Variants in PRKG1 observed in about 807,000 individuals in gnomAD.
PRKG1 encodes the protein protein kinase cGMP-dependent 1, also known as cGMP-dependent protein kinase 1.
Under a neutral mutation model 88.1 loss-of-function variants are expected in PRKG1, and 35 were observed. The observed-to-expected ratio is 0.40, with a 90% CI of 0.30 to 0.53. The LOEUF is 0.53. PRKG1 is among the 20% of genes least tolerant of loss of function. The pLI, the probability that PRKG1 is intolerant of heterozygous loss-of-function variation, is 0.59. For missense variants in PRKG1, 540 were observed against 839.8 expected, an observed-to-expected ratio of 0.64 and a Z score of 4.41; for synonymous variants, 303 against 292.5, an observed-to-expected ratio of 1.04 and a Z score of -0.37.
intron 2 of PRKG1, among the ~76,000 whole-genome samples, chr10:51,208,884 T>C (rs956012090): frequency 1.3e-5 from 2 of 152,196 alleles, no homozygotes; most frequent in Admixed American, 1.3e-4. Flanking sequence ...AGGGATTGTG[T>C]CTTCATTTTG....
At chr10:51,718,868 C>G (rs1334565074) in intron 3 of PRKG1, among the ~76,000 whole-genome samples, 1 of 151,660 alleles carries the variant, frequency 6.6e-6, no homozygotes, top group East Asian at 1.9e-4. Flanking sequence ...ATTCCTAGGC[C>G]AGGTGTGGTG....
chr10:52,157,306 G>GAT lies in PRKG1; in HGVS notation c.1002-4552_1002-4551dup, dbSNP rs142784154. Reference sequence around the variant, plus strand: ...TATATATATTGTGTGTGAGTTAGTTGATATATATATATATATATATATATA... The same window carrying GAT: ...TATATATATTGTGTGTGAGTTAGTTGATATATATATATATATATATATATATA... On this transcript the variant is annotated intron_variant, in intron 8 of 17. Coordinates refer to ENST00000373980, the MANE Select transcript of PRKG1 (RefSeq NM_006258.4). Among the ~76,000 whole-genome samples, 134 of 125,904 alleles carry GAT rather than the reference G, an allele frequency of 1.1e-3. 1 individual carries two copies. In the South Asian group the frequency reaches 0.018, roughly 17 times the overall value. 82.6% of individuals were successfully genotyped at this position (125,904 alleles called of 152,430 possible).
chr10:51,671,139 CTTCTTAAGTAAGATCT>C lies in PRKG1; in HGVS notation c.593-133432_593-133417del, dbSNP rs561809334. ...ATCATGCTAAATTCTGCTTTATGAT[CTTCTTAAGTAAGATCT>C]TTCTTAAGTAAGAAAGTCAGGAACA... is the stretch of plus-strand genomic sequence containing the variant. On this transcript the variant is annotated intron_variant, in intron 3 of 17. Transcript: ENST00000373980. 2.2e-3 allele frequency among the ~76,000 whole-genome samples: 341 copies of C among 152,226 alleles called. 3 individuals are homozygous for C. Among genetic ancestry groups the C allele is most frequent in the Non-Finnish European group, 3.1e-3 (212 of 68,014 alleles).
intron 2 of PRKG1, among the ~76,000 whole-genome samples, chr10:51,452,578 T>C (rs576557131): frequency 1.2e-4 from 19 of 152,160 alleles, no homozygotes; most frequent in African/African-American, 4.3e-4. Flanking sequence ...ATTCTGCTTA[T>C]GTGATATAAT....
chr10:51,549,109 TC>T (rs1389415566), intron 3 of PRKG1, among the ~76,000 whole-genome samples: 7 of 122,012 alleles, frequency 5.7e-5, no homozygotes. Context: ...TTCCTTTCTT[TC>T]TTTTCTTTTC....
chr10:52,183,230 T>C (rs1228758332), intron 9 of PRKG1, among the ~76,000 whole-genome samples: 2 of 152,232 alleles, frequency 1.3e-5, no homozygotes, highest in Admixed American at 6.5e-5. Context: ...ATCCTGTACC[T>C]GCCTGGGGCA....
chr10:52,117,200 GTA>G (rs1554806201), intron 7 of PRKG1, among the ~76,000 whole-genome samples: 1 of 146,740 alleles, frequency 6.8e-6, no homozygotes, highest in African/African-American at 2.5e-5. Context: ...GTGTGTGTGT[GTA>G]TGATTGGTAG....
At chr10:51,858,623 G>T (rs1840782107) in intron 4 of PRKG1, among the ~76,000 whole-genome samples, 1 of 149,332 alleles carries the variant, frequency 6.7e-6, no homozygotes, top group South Asian at 2.1e-4. Flanking sequence ...GTACCATAGG[G>T]TCCTTTCACA....
rs75229829 is a variant in PRKG1 at position 51,931,859 on chromosome 10, T to C, written c.762+24289T>C. Among the ~76,000 whole-genome samples, 360 of 152,320 alleles carry C rather than the reference T, an allele frequency of 2.4e-3. 1 individual carries two copies. The highest frequency in any genetic ancestry group is 3.9e-3 in the Non-Finnish European group (266 of 68,018). The stretch of plus-strand genomic sequence containing the variant: ...TAATTTTTTCTTATTCAAGTATTTG[T>C]GGGATCATCTTAGGCACATTTAGAA... On this transcript the variant is annotated intron_variant, in intron 5 of 17. Transcript: ENST00000373980.
chr10:52,274,964 G>A (rs1372445239), intron 12 of PRKG1, among the ~76,000 whole-genome samples: 1 of 151,956 alleles, frequency 6.6e-6, no homozygotes, highest in Non-Finnish European at 1.5e-5. Flanking sequence ...TACGTTTATT[G>A]GCCATTTGTA....
At chr10:51,518,102 A>G (rs1841639074) in intron 3 of PRKG1, among the ~76,000 whole-genome samples, 1 of 152,100 alleles carries the variant, frequency 6.6e-6, no homozygotes, top group Non-Finnish European at 1.5e-5. Context: ...AGTTCAAGCA[A>G]TTCTCCTGTC....
chr10:51,738,603 A>G (rs923392034), intron 3 of PRKG1, among the ~76,000 whole-genome samples: 1 of 152,134 alleles, frequency 6.6e-6, no homozygotes, highest in African/African-American at 2.4e-5. Flanking sequence ...AGGTTATGAG[A>G]GGAGGAAAGA....
intron 7 of PRKG1, among the ~76,000 whole-genome samples, chr10:52,072,031 C>G (rs1319431619): frequency 6.6e-6 from 1 of 152,044 alleles, no homozygotes; most frequent in Non-Finnish European, 1.5e-5. Flanking sequence ...CAGTCGCCCT[C>G]TCCCGTGGGG....
chr10:52,154,024 C>A (rs377489691), intron 8 of PRKG1, among the ~76,000 whole-genome samples: 1 of 152,042 alleles, frequency 6.6e-6, no homozygotes, highest in East Asian at 1.9e-4. Context: ...GGATTGCAGG[C>A]GTGAGCCACT....
intron 2 of PRKG1, among the ~76,000 whole-genome samples, chr10:51,266,585 G>GT (rs1839841534): frequency 6.6e-6 from 1 of 152,192 alleles, no homozygotes; most frequent in Non-Finnish European, 1.5e-5. Context: ...AGTTACTGAA[G>GT]TTTTTAAATT....
At chr10:51,410,877 T>C (rs1838065485) in intron 2 of PRKG1, among the ~76,000 whole-genome samples, 1 of 151,770 alleles carries the variant, frequency 6.6e-6, no homozygotes, top group Non-Finnish European at 1.5e-5. Flanking sequence ...AAATATATTT[T>C]ATATTTATAT....
At chr10:51,782,526 A>G (rs1022999353) in intron 3 of PRKG1, among the ~76,000 whole-genome samples, 16 of 152,140 alleles carry the variant, frequency 1.1e-4, no homozygotes, top group Non-Finnish European at 2.9e-5. Context: ...TCACACAGCT[A>G]GTAAGTGACA....
chr10:51,220,157 C>T (rs1272104984), intron 2 of PRKG1, among the ~76,000 whole-genome samples: 1 of 152,104 alleles, frequency 6.6e-6, no homozygotes, highest in Non-Finnish European at 1.5e-5. Flanking sequence ...TATAAACAAC[C>T]TTACAGAGTT....
chr10:51,518,144 T>C (rs1046315442), intron 3 of PRKG1, among the ~76,000 whole-genome samples: 3 of 152,110 alleles, frequency 2.0e-5, no homozygotes, highest in African/African-American at 7.2e-5. Context: ...ATTACAGGTG[T>C]GCACCACCAC....
Sources: allele counts gnomAD v4.1 joint callset (sites outside exome capture counted in the v4.1 genomes callset), GRCh38; gene constraint gnomAD v4.1.1; transcripts MANE v1.5; gene names NCBI Gene and HGNC (gene_info 2026-07-23, HGNC 2026-07-21).